Variants in RNLS observed in about 807,000 individuals in gnomAD.
The protein encoded by RNLS is renalase.
RNLS carries 39 observed loss-of-function variants against 39.8 expected under a neutral mutation model. The observed-to-expected ratio is 0.98, with a 90% confidence interval of 0.76 to 1.28. RNLS has a LOEUF of 1.28. Ranked by LOEUF, RNLS falls within the 50% of genes most tolerant of loss-of-function variation. The pLI is 0.00. For synonymous variants in RNLS, 147 were observed against 150.7 expected (o/e 0.98, Z 0.18); for missense variants, 410 against 413.3 (o/e 0.99, Z 0.07).
At chr10:88,382,643 C>T (rs560476225) in intron 4 of RNLS, among the ~76,000 whole-genome samples, 1 of 152,176 alleles carries the variant, frequency 6.6e-6, no homozygotes, top group African/African-American at 2.4e-5. Flanking sequence ...AGAACAGTTG[C>T]TTGAATAGTT....
chr10:88,461,413 G>A (rs1192929581), intron 4 of RNLS, among the ~76,000 whole-genome samples: 1 of 152,086 alleles, frequency 6.6e-6, no homozygotes, highest in African/African-American at 2.4e-5. Flanking sequence ...CTTTCTCCAT[G>A]AAAGTCGGCT....
At chr10:88,513,631 C>G (rs1055123833) in intron 4 of RNLS, among the ~76,000 whole-genome samples, 1 of 152,018 alleles carries the variant, frequency 6.6e-6, no homozygotes, top group African/African-American at 2.4e-5. Context: ...ATATTATTAA[C>G]TATTAGATGT....
At chr10:88,320,108 T>C (rs1846065707) in intron 5 of RNLS, among the ~76,000 whole-genome samples, 1 of 151,492 alleles carries the variant, frequency 6.6e-6, no homozygotes, top group Non-Finnish European at 1.5e-5. Flanking sequence ...GTAGAAGCCT[T>C]ACAAGCAAGA....
At chr10:88,390,103 C>T (rs980849612) in intron 4 of RNLS, among the ~76,000 whole-genome samples, 2 of 152,212 alleles carry the variant, frequency 1.3e-5, no homozygotes, top group South Asian at 4.1e-4. Flanking sequence ...TAATTAGGCT[C>T]ACCATCAAAG....
chr10:88,541,690 G>T (rs1260785391), intron 4 of RNLS, among the ~76,000 whole-genome samples: 1 of 152,148 alleles, frequency 6.6e-6, no homozygotes, highest in African/African-American at 2.4e-5. Context: ...CTCTACCAAT[G>T]GCTCCTTCTT....
chr10:88,242,154 A>G, the RNLS span, among the ~76,000 whole-genome samples: 1 of 152,156 alleles, frequency 6.6e-6, no homozygotes, highest in Non-Finnish European at 1.5e-5. Flanking sequence ...GAGATTACCC[A>G]ATGTCCCTTT....
chr10:88,208,462 A>G, the RNLS span, among the ~76,000 whole-genome samples: 1 of 152,216 alleles, frequency 6.6e-6, no homozygotes, highest in African/African-American at 2.4e-5. Context: ...GTGATATTTT[A>G]CTAAAGAGTA....
the RNLS span, among the ~76,000 whole-genome samples, chr10:88,191,444 T>C: frequency 6.6e-6 from 1 of 152,338 alleles, no homozygotes; most frequent in Admixed American, 6.5e-5. Context: ...TTATGGTGTA[T>C]GATGTGATGT....
intron 5 of RNLS, among the ~76,000 whole-genome samples, chr10:88,355,653 G>T (rs1198359416): frequency 2.0e-5 from 3 of 152,174 alleles, no homozygotes; most frequent in Non-Finnish European, 2.9e-5. Flanking sequence ...AGGCTACTCG[G>T]GGGTCAGGGG....
chr10:88,398,281 G>C (rs1852690733), intron 4 of RNLS, among the ~76,000 whole-genome samples: 4 of 152,032 alleles, frequency 2.6e-5, no homozygotes, highest in Admixed American at 2.6e-4. Flanking sequence ...AGTGAGTCAG[G>C]GTAAGCAGAT....
At chr10:88,552,057 T>C (rs1848629633) in intron 4 of RNLS, among the ~76,000 whole-genome samples, 1 of 152,350 alleles carries the variant, frequency 6.6e-6, no homozygotes, top group East Asian at 1.9e-4. Context: ...ACTTAGCATA[T>C]GCCAGCAATT....
chr10:88,425,533 C>T (rs979774131), intron 4 of RNLS, among the ~76,000 whole-genome samples: 4 of 152,014 alleles, frequency 2.6e-5, no homozygotes, highest in African/African-American at 9.7e-5. Context: ...TATTGCCTGG[C>T]AGTATGTCTA....
chr10:88,236,543 A>G, the RNLS span, among the ~76,000 whole-genome samples: 1 of 152,202 alleles, frequency 6.6e-6, no homozygotes, highest in African/African-American at 2.4e-5. Context: ...ATGGTTGCTC[A>G]ACACAAGTGC....
rs1845182404 is a variant in RNLS at position 88,309,347 on chromosome 10, A to G, written c.876+5119T>C. 4.3e-6 allele frequency: 5 copies of G among 1,153,330 alleles called. No homozygotes were observed. The Middle Eastern group carries it at 9.1e-4, about 210-fold the overall frequency. 71.4% of individuals were successfully genotyped at this position (1,153,330 alleles called of 1,614,324 possible). ...AGAAAAAATTAAAATATCAATCACCACCTGACTTTTCAATGCTGAAATTAG... is the reference window on the plus strand; with the variant it reads ...AGAAAAAATTAAAATATCAATCACCGCCTGACTTTTCAATGCTGAAATTAG... On this transcript the variant is annotated intron_variant, in intron 6 of 6. Transcript: ENST00000331772.
At chr10:88,549,792 T>C (rs991608744) in intron 4 of RNLS, among the ~76,000 whole-genome samples, 4 of 152,130 alleles carry the variant, frequency 2.6e-5, no homozygotes, top group Admixed American at 6.5e-5. Context: ...GTTAAGGAGG[T>C]TGAGGCCCAG....
At chr10:88,426,770 A>G (rs999900454) in intron 4 of RNLS, among the ~76,000 whole-genome samples, 1 of 151,992 alleles carries the variant, frequency 6.6e-6, no homozygotes, top group African/African-American at 2.4e-5. Flanking sequence ...CCAGGGTTCA[A>G]GTTCAGCCCT....
At chr10:88,270,859 A>G (rs1247247357), downstream of RNLS, among the ~76,000 whole-genome samples, 1 of 152,222 alleles carries the variant, frequency 6.6e-6, no homozygotes, top group East Asian at 1.9e-4. Context: ...CTTCACTTGA[A>G]GAAAGAATTA....
rs568143295 is a variant in RNLS at position 88,411,210 on chromosome 10, T to C, written c.527-48485A>G. 2.6e-3 allele frequency among the ~76,000 whole-genome samples: 389 copies of C among 152,312 alleles called. 2 individuals carry two copies. The highest frequency in any genetic ancestry group is 8.8e-3 in the African/African-American group (367 of 41,580). On this transcript the variant is annotated intron_variant, in intron 4 of 6. Transcript: ENST00000331772. ...ATTTGATTACATTGAGATTATGTTTTCTTAAATGATATGTTGAGAACAAAA... is the reference window on the plus strand; with the variant it reads ...ATTTGATTACATTGAGATTATGTTTCCTTAAATGATATGTTGAGAACAAAA...
intron 4 of RNLS, among the ~76,000 whole-genome samples, chr10:88,491,960 T>G (rs1844908839): frequency 6.6e-6 from 1 of 151,304 alleles, no homozygotes; most frequent in Admixed American, 6.6e-5. Flanking sequence ...GAGTTTTGTT[T>G]TTTTTTTTTT....
Sources: gnomAD v4.1 joint callset for allele counts (sites outside exome capture counted in the v4.1 genomes callset) on GRCh38, gnomAD v4.1.1 for gene constraint, MANE v1.5 for transcripts, NCBI Gene and HGNC (gene_info 2026-07-23, HGNC 2026-07-21) for gene names.